GPRIN3: variants seen among roughly 807,000 people sequenced by gnomAD.
GPRIN3 encodes G protein-regulated inducer of neurite outgrowth 3.
GPRIN3 carries 12 observed loss-of-function variants against 13.7 expected under a neutral mutation model. The observed-to-expected ratio is 0.87, with a 90% CI of 0.56 to 1.42. The LOEUF (loss-of-function observed/expected upper bound fraction) is 1.42, where lower values mean the gene tolerates loss of function less well. Ranked by LOEUF, GPRIN3 falls within the 40% of genes most tolerant of loss-of-function variation. The probability of loss-of-function intolerance (pLI) is 0.00; values close to 1 mark genes in which losing one functional copy is unlikely to be tolerated. For missense variants in GPRIN3, 1,009 were observed against 958.7 expected (o/e 1.05, Z -0.69); for synonymous variants, 377 against 372.7 (o/e 1.01, Z -0.13).
At chr4:89,294,585 A>G (rs996053752) in intron 1 of GPRIN3, among the ~76,000 whole-genome samples, 7 of 152,238 alleles carry the variant, frequency 4.6e-5, no homozygotes, top group Non-Finnish European at 7.3e-5. Flanking sequence ...TGGCACACAG[A>G]TAAGTCCTTA....
intron 1 of GPRIN3, among the ~76,000 whole-genome samples, chr4:89,282,620 G>A (rs1182590288): frequency 7.7e-6 from 1 of 129,308 alleles, no homozygotes; most frequent in East Asian, 2.3e-4. Flanking sequence ...TTTTTTAGCT[G>A]ATCAGCTATT....
intron 1 of GPRIN3, among the ~76,000 whole-genome samples, chr4:89,274,003 T>G (rs1373360623): frequency 6.6e-6 from 1 of 152,204 alleles, no homozygotes; most frequent in Non-Finnish European, 1.5e-5. Context: ...AAGCGTATTA[T>G]GAAGTCAGAA....
In GPRIN3 at chr4:89,249,551, C is replaced by T. The variant is rs1723252977; in HGVS notation, c.560G>A (p.Cys187Tyr). ...GATTGTTTCTGGAGAAGGAAACTCACAGGACACCTGATCTTTGCTGCTACT... is the reference window on the plus strand; with the variant it reads ...GATTGTTTCTGGAGAAGGAAACTCATAGGACACCTGATCTTTGCTGCTACT... Reference protein sequence around the residue: ...VLSSSKDQVSCEFPSPETIQG... With the variant: ...VLSSSKDQVSYEFPSPETIQG... The change falls in exon 2 of 2, where the codon TGT (cysteine) becomes TAT (tyrosine). Residue 187 changes from cysteine (C) to tyrosine (Y), a missense_variant. Transcript: ENST00000609438. 1 of 1,614,192 alleles carries T rather than the reference C, an allele frequency of 6.2e-7. No individual in the cohort carries two copies. Among genetic ancestry groups the T allele is most frequent in the Non-Finnish European group, 8.5e-7 (1 of 1,180,030 alleles).
intron 1 of GPRIN3, among the ~76,000 whole-genome samples, chr4:89,269,427 C>T (rs375872554): frequency 4.6e-5 from 7 of 151,998 alleles, no homozygotes; most frequent in African/African-American, 1.7e-4. Context: ...ACGTCCACAC[C>T]GCCCCCTCTA....
chr4:89,288,652 T>C (rs1724489417), intron 1 of GPRIN3, among the ~76,000 whole-genome samples: 2 of 152,324 alleles, frequency 1.3e-5, no homozygotes, highest in South Asian at 2.1e-4. Flanking sequence ...CAGAACAGTA[T>C]GCAGTTCTTC....
chr4:89,240,077 C>G lies in GPRIN3; in HGVS notation c.*7703G>C, dbSNP rs1386126479. The G allele has an allele frequency of 6.6e-6, 1 of 152,150 alleles. No homozygotes were observed. The highest frequency in any genetic ancestry group is 2.4e-5 in the African/African-American group (1 of 41,426). 9.4% of individuals were successfully genotyped at this position (152,150 alleles called of 1,614,324 possible). A position where few individuals can be genotyped will look rare whatever the true frequency, so the allele number is the denominator to read the frequency against. On this transcript the variant is annotated 3_prime_UTR_variant, in exon 2 of 2. Transcript: ENST00000609438. Reference sequence around the variant, plus strand: ...TGAGACTTTTTGATCCCTAATAGAGCACTTCCTTTGAGAAAAAATGAGATA... The same window carrying G: ...TGAGACTTTTTGATCCCTAATAGAGGACTTCCTTTGAGAAAAAATGAGATA...
At chr4:89,294,745 C>A (rs1380095122) in intron 1 of GPRIN3, among the ~76,000 whole-genome samples, 1 of 152,168 alleles carries the variant, frequency 6.6e-6, no homozygotes, top group Non-Finnish European at 1.5e-5. Flanking sequence ...CAGCAGGAAA[C>A]CACTGCTATA....
At chr4:89,304,209 G>T (rs1425746909) in intron 1 of GPRIN3, among the ~76,000 whole-genome samples, 1 of 152,060 alleles carries the variant, frequency 6.6e-6, no homozygotes, top group South Asian at 2.1e-4. Context: ...CCTCAATCAG[G>T]CAATTATGCT....
rs1722934228 is a variant in GPRIN3, at chr4:89,241,106, T to C, written c.*6674A>G. 6.6e-6 allele frequency: 1 copy of C among 152,130 alleles called. No homozygotes were observed. Among genetic ancestry groups the C allele is most frequent in the Non-Finnish European group, 1.5e-5 (1 of 68,006 alleles). 9.4% of individuals were successfully genotyped at this position (152,130 alleles called of 1,614,324 possible). On this transcript the variant is annotated 3_prime_UTR_variant, in exon 2 of 2. Coordinates refer to ENST00000609438, the MANE Select transcript of GPRIN3 (RefSeq NM_198281.3). Reference sequence around the variant, plus strand: ...AAGAACTGACCTTACCTGTGACTAATGGCATGGTTACTTAGCCCTGGCATA... The same window carrying C: ...AAGAACTGACCTTACCTGTGACTAACGGCATGGTTACTTAGCCCTGGCATA...
At chr4:89,307,546 G>A (rs2116327) in intron 1 of GPRIN3, 69 bp downstream of exon 1, 51,400 of 152,306 alleles carry the variant, frequency 0.34, 8,766 homozygotes, top group Admixed American at 0.39. Flanking sequence ...CATCCCTACA[G>A]AGCACACCAC....
At chr4:89,279,804 T>G (rs889587571) in intron 1 of GPRIN3, among the ~76,000 whole-genome samples, 3 of 152,204 alleles carry the variant, frequency 2.0e-5, no homozygotes, top group African/African-American at 7.2e-5. Flanking sequence ...TTTTCTCAGT[T>G]CATTTCCTAA....
At chr4:89,281,383 A>C (rs779351342) in intron 1 of GPRIN3, among the ~76,000 whole-genome samples, 2 of 152,138 alleles carry the variant, frequency 1.3e-5, no homozygotes, top group Non-Finnish European at 2.9e-5. Context: ...CGGCTCCCCA[A>C]AGTGCTGGGA....
intron 1 of GPRIN3, among the ~76,000 whole-genome samples, chr4:89,262,459 T>TA (rs1461576160): frequency 7.9e-5 from 12 of 152,006 alleles, no homozygotes; most frequent in South Asian, 6.2e-4. Context: ...TCAAAAATAA[T>TA]AAAAAAAATG....
intron 1 of GPRIN3, among the ~76,000 whole-genome samples, chr4:89,295,504 C>T (rs1724707709): frequency 6.6e-6 from 1 of 152,134 alleles, no homozygotes; most frequent in Admixed American, 6.6e-5. Flanking sequence ...GGCTAAATGA[C>T]TACATGCGTA....
At position 89,263,702 on chromosome 4, in the gene GPRIN3, G is replaced by A. The variant is rs1263094582; in HGVS notation, c.-123-13469C>T. Among the ~76,000 whole-genome samples, 4 of 152,274 alleles carry A rather than the reference G, an allele frequency of 2.6e-5. No individual in the cohort carries two copies. In the South Asian group the frequency reaches 8.3e-4, roughly 32 times the overall value. ...CCTGCAGCATTATTGTCATTTGTCA[G>A]ATTCTGTGTGTTATTTACGTATCTG... On this transcript the variant is annotated intron_variant, in intron 1 of 1. Transcript: ENST00000609438.
In GPRIN3 at chr4:89,247,874, C is replaced by T. The variant is rs17015286; in HGVS notation, c.2237G>A (p.Arg746Lys). ...SSDTSSNKKL[R>K]GRQHSVFQSM... ...CTGGAAAACACTGTGCTGCCTTCCT[C>T]TGAGCTTCTTATTTGAAGAAGTATC... The change falls in exon 2 of 2, where the codon AGA becomes AAA. Residue 746 changes from arginine to lysine, a missense_variant. Arg to Lys is a conservative substitution (Grantham distance 26). Coordinates refer to ENST00000609438, the MANE Select transcript of GPRIN3 (RefSeq NM_198281.3). 9.9e-3 allele frequency: 15,972 copies of T among 1,614,148 alleles called. 1,315 individuals are homozygous for T. The African/African-American group carries it at 0.18, about 19-fold the overall frequency.
At position 89,249,482 on chromosome 4, in the gene GPRIN3, C is replaced by A; in HGVS notation, c.629G>T (p.Ser210Ile). 1 of 1,614,116 alleles carries A rather than the reference C, an allele frequency of 6.2e-7. No homozygotes were observed. Among genetic ancestry groups the A allele is most frequent in the African/African-American group, 1.3e-5 (1 of 75,040 alleles). The change falls in exon 2 of 2, where the codon AGT (serine) becomes ATT (isoleucine). Residue 210 changes from serine (S) to isoleucine (I), a missense_variant. Transcript: ENST00000609438. ...TCCACCTACAGGAGAGGATGAGTGA[C>A]TGACCACCCTGGCTGCTGTCACTGG... ...QTPVTAARVVSHSSSPVGGPE... is the reference protein window; with the variant it reads ...QTPVTAARVVIHSSSPVGGPE...
At chr4:89,251,555 A>C (rs990876446) in intron 1 of GPRIN3, among the ~76,000 whole-genome samples, 18 of 152,226 alleles carry the variant, frequency 1.2e-4, no homozygotes, top group African/African-American at 3.4e-4. Context: ...CTTTATAAAT[A>C]GGCAGAATGA....
chr4:89,254,217 CTTCT>C (rs1351359278), intron 1 of GPRIN3, among the ~76,000 whole-genome samples: 6 of 149,052 alleles, frequency 4.0e-5, no homozygotes, highest in African/African-American at 1.2e-4. Flanking sequence ...TTTCTTTTTC[CTTCT>C]TTCTCTTTTT....
Sources: gnomAD v4.1 joint callset for allele counts (sites outside exome capture counted in the v4.1 genomes callset) on GRCh38, gnomAD v4.1.1 for gene constraint, MANE v1.5 for transcripts, NCBI Gene and HGNC (gene_info 2026-07-23, HGNC 2026-07-21) for gene names.